Variants in SLC44A5 observed in about 807,000 individuals in gnomAD.
SLC44A5 encodes the protein choline transporter-like protein 5.
Under a neutral mutation model 101.8 loss-of-function variants are expected in SLC44A5, and 57 were observed. The observed-to-expected ratio is 0.56, with a 90% CI of 0.45 to 0.70. The LOEUF is 0.70. SLC44A5 is among the 30% of genes least tolerant of loss of function. The pLI is 0.00. For missense variants in SLC44A5, 737 were observed against 853.1 expected, an observed-to-expected ratio of 0.86 and a Z score of 1.70; for synonymous variants, 281 against 290.9, an observed-to-expected ratio of 0.97 and a Z score of 0.35.
intron 3 of SLC44A5, among the ~76,000 whole-genome samples, chr1:75,388,723 G>A (rs1350216594): frequency 1.3e-5 from 2 of 151,710 alleles, no homozygotes; most frequent in East Asian, 3.9e-4. Context: ...AGCTTGCAGT[G>A]AGCCGAGATC....
the SLC44A5 span, among the ~76,000 whole-genome samples, chr1:75,678,414 T>G: frequency 6.6e-6 from 1 of 152,164 alleles, no homozygotes; most frequent in Non-Finnish European, 1.5e-5. Flanking sequence ...GCTGGAGATC[T>G]GAGAACGGGC....
chr1:75,290,103 C>T (rs1653411401), intron 5 of SLC44A5, among the ~76,000 whole-genome samples: 1 of 152,218 alleles, frequency 6.6e-6, no homozygotes. Flanking sequence ...ATAACATGGA[C>T]TTGTACTCAC....
chr1:75,307,646 G>T (rs1655008701), intron 4 of SLC44A5, among the ~76,000 whole-genome samples: 1 of 152,088 alleles, frequency 6.6e-6, no homozygotes, highest in South Asian at 2.1e-4. Flanking sequence ...GGTGATTTTT[G>T]AGAGGGACAT....
At chr1:75,241,249 G>A (rs1648603286) in intron 9 of SLC44A5, among the ~76,000 whole-genome samples, 1 of 151,744 alleles carries the variant, frequency 6.6e-6, no homozygotes, top group African/African-American at 2.4e-5. Context: ...TTTAGAGACA[G>A]TGTTTCACTC....
At chr1:75,468,532 T>C (rs897346965) in intron 2 of SLC44A5, among the ~76,000 whole-genome samples, 2 of 152,036 alleles carry the variant, frequency 1.3e-5, no homozygotes, top group Admixed American at 6.6e-5. Flanking sequence ...ATGGATGAAA[T>C]TGGAGGTCAT....
At chr1:75,700,038 C>T in the SLC44A5 span, among the ~76,000 whole-genome samples, 1 of 152,122 alleles carries the variant, frequency 6.6e-6, no homozygotes, top group African/African-American at 2.4e-5. Context: ...GAGACTTAGA[C>T]TCCCACACAT....
At chr1:75,658,674 G>A in the SLC44A5 span, among the ~76,000 whole-genome samples, 2 of 152,054 alleles carry the variant, frequency 1.3e-5, no homozygotes, top group African/African-American at 2.4e-5. Flanking sequence ...CATCAAACAA[G>A]TGGAAAGTTG....
chr1:75,655,596 A>T, the SLC44A5 span, among the ~76,000 whole-genome samples: 26 of 152,292 alleles, frequency 1.7e-4, no homozygotes, highest in East Asian at 4.8e-3. Context: ...CAGCCATGGG[A>T]GTGCCTGTGT....
chr1:75,364,490 G>A (rs751084021), intron 3 of SLC44A5, among the ~76,000 whole-genome samples: 4 of 152,180 alleles, frequency 2.6e-5, no homozygotes, highest in East Asian at 1.9e-4. Context: ...AACCATTCAC[G>A]AGATATGCCC....
At chr1:75,533,582 G>T (rs892213502) in intron 2 of SLC44A5, among the ~76,000 whole-genome samples, 1 of 152,076 alleles carries the variant, frequency 6.6e-6, no homozygotes, top group African/African-American at 2.4e-5. Context: ...TTGCAGGAAG[G>T]CCACTGCACC....
At chr1:75,304,291 TA>T (rs772311450) in intron 4 of SLC44A5, among the ~76,000 whole-genome samples, 98 of 70,536 alleles carry the variant, frequency 1.4e-3, no homozygotes, top group Admixed American at 2.9e-3. Context: ...AATTTTTAAA[TA>T]GGTGTGTGTG....
intron 2 of SLC44A5, among the ~76,000 whole-genome samples, chr1:75,399,504 G>A (rs1185574143): frequency 6.6e-6 from 1 of 152,188 alleles, no homozygotes; most frequent in African/African-American, 2.4e-5. Context: ...CAGGGACATA[G>A]CTACCAGATG....
chr1:75,384,898 G>A (rs1661191410), intron 3 of SLC44A5, among the ~76,000 whole-genome samples: 2 of 151,156 alleles, frequency 1.3e-5, no homozygotes, highest in South Asian at 4.2e-4. Context: ...TCAGGATTAA[G>A]AATCTCACTC....
At chr1:75,647,733 CTT>C in the SLC44A5 span, among the ~76,000 whole-genome samples, 1 of 152,122 alleles carries the variant, frequency 6.6e-6, no homozygotes, top group Non-Finnish European at 1.5e-5. Flanking sequence ...GGATTGCAGA[CTT>C]GTGTGAGGCC....
At chr1:75,675,183 A>C in the SLC44A5 span, among the ~76,000 whole-genome samples, 1 of 152,336 alleles carries the variant, frequency 6.6e-6, no homozygotes, top group East Asian at 1.9e-4. Context: ...ATAGCATTAA[A>C]TCTATAAATT....
intron 2 of SLC44A5, among the ~76,000 whole-genome samples, chr1:75,492,868 C>A (rs1417217638): frequency 6.6e-6 from 1 of 152,172 alleles, no homozygotes; most frequent in African/African-American, 2.4e-5. Flanking sequence ...AATGATGTTA[C>A]TCATCTATTT....
chr1:75,457,631 G>A (rs1480754310), intron 2 of SLC44A5, among the ~76,000 whole-genome samples: 1 of 152,202 alleles, frequency 6.6e-6, no homozygotes, highest in Non-Finnish European at 1.5e-5. Flanking sequence ...GCCGAGGTGG[G>A]TGGATCACTT....
intron 2 of SLC44A5, among the ~76,000 whole-genome samples, chr1:75,475,117 C>T (rs980338586): frequency 3.9e-5 from 6 of 152,182 alleles, no homozygotes; most frequent in Non-Finnish European, 5.9e-5. Context: ...TATGAAAGAA[C>T]CCCTCATAAG....
chr1:75,677,302 G>C, the SLC44A5 span, among the ~76,000 whole-genome samples: 1 of 152,126 alleles, frequency 6.6e-6, no homozygotes, highest in African/African-American at 2.4e-5. Flanking sequence ...TCAAGACATA[G>C]ATAGTATAAT....
Sources: gnomAD v4.1 joint callset for allele counts (sites outside exome capture counted in the v4.1 genomes callset) on GRCh38, gnomAD v4.1.1 for gene constraint, MANE v1.5 for transcripts, NCBI Gene and HGNC (gene_info 2026-07-23, HGNC 2026-07-21) for gene names.